KIF20B: variants seen among roughly 807,000 people sequenced by gnomAD.
The protein encoded by KIF20B is kinesin-like protein KIF20B.
A neutral mutation model predicts 232.5 loss-of-function variants in KIF20B; 188 were observed. The observed-to-expected ratio is 0.81, with a 90% confidence interval of 0.72 to 0.91. The LOEUF is 0.91. KIF20B is among the 40% of genes least tolerant of loss of function. The probability of loss-of-function intolerance (pLI) is 0.00; values close to 1 mark genes in which losing one functional copy is unlikely to be tolerated. For missense variants in KIF20B, 2,154 were observed against 2,055.9 expected (o/e 1.05, Z -0.92); for synonymous variants, 712 against 683.0 (o/e 1.04, Z -0.66).
chr10:89,709,536 T>C (rs1842794975), intron 4 of KIF20B, 75 bp downstream of exon 4: 3 of 936,148 alleles, frequency 3.2e-6, no homozygotes, highest in East Asian at 4.8e-5. Context: ...TATATAATTG[T>C]ATATAATGAA....
intron 21 of KIF20B, among the ~76,000 whole-genome samples, chr10:89,743,161 A>G (rs1055031765): frequency 2.6e-5 from 4 of 152,336 alleles, no homozygotes; most frequent in Non-Finnish European, 5.9e-5. Context: ...AATCCTGGCA[A>G]GATGTACTGA....
intron 21 of KIF20B, among the ~76,000 whole-genome samples, chr10:89,739,917 TC>T (rs1470663297): frequency 1.3e-5 from 2 of 152,214 alleles, no homozygotes; most frequent in Non-Finnish European, 2.9e-5. Flanking sequence ...CATTTTCACC[TC>T]TGTATAGTAT....
chr10:89,760,493 A>G, intron 27 of KIF20B, 33 bp from the exon 28 acceptor site: 1 of 1,273,258 alleles, frequency 7.9e-7, no homozygotes. Flanking sequence ...TCAGGTTACA[A>G]TGCCCTGTTG....
intron 9 of KIF20B, 116 bp from the exon 10 acceptor site, chr10:89,717,308 A>C (rs1842954276): frequency 3.2e-6 from 2 of 627,624 alleles, no homozygotes; most frequent in Non-Finnish European, 5.5e-6. Flanking sequence ...TGGAAAATGC[A>C]ATGGTGGACT....
In KIF20B at chr10:89,729,138, C is replaced by T. The variant is rs773312148; in HGVS notation, c.2282C>T (p.Thr761Ile). The change falls in exon 18 of 33, where the codon ACA becomes ATA. Residue 761 changes from threonine (T) to isoleucine (I), a missense_variant. By Grantham distance (89) the Thr-to-Ile change is moderately conservative. Coordinates refer to ENST00000371728, the MANE Select transcript of KIF20B (RefSeq NM_001284259.2). ...ELETSNKKII[T>I]QNQRIKELIN... Reference sequence around the variant, plus strand: ...TTCTTCTTTCCAAAGAAAATAATTACACAGAATCAAAGAATTAAAGAATTG... The same window carrying T: ...TTCTTCTTTCCAAAGAAAATAATTATACAGAATCAAAGAATTAAAGAATTG... 15 of 1,412,362 alleles carry T rather than the reference C, an allele frequency of 1.1e-5. No individual in the cohort carries two copies. The Middle Eastern group carries it at 5.6e-4, about 53-fold the overall frequency. The allele number at this position is 1,412,362 out of a possible 1,614,324, so 87.5% of individuals were successfully genotyped here. A position where few individuals can be genotyped will look rare whatever the true frequency, so the allele number is the denominator to read the frequency against.
At chr10:89,726,770 CAA>C (rs2133110053) in intron 16 of KIF20B, among the ~76,000 whole-genome samples, 1 of 152,152 alleles carries the variant, frequency 6.6e-6, no homozygotes, top group East Asian at 1.9e-4. Flanking sequence ...AAAGTCAAAA[CAA>C]GTGTTAACTT....
At chr10:89,738,732 G>A in intron 20 of KIF20B, 115 bp downstream of exon 20, 1 of 1,311,330 alleles carries the variant, frequency 7.6e-7, no homozygotes, top group East Asian at 2.5e-5. Context: ...CATGTATGAT[G>A]AGTGAAGAAC....
intron 16 of KIF20B, among the ~76,000 whole-genome samples, chr10:89,727,417 G>T (rs748342226): frequency 2.0e-4 from 30 of 152,070 alleles, no homozygotes; most frequent in Non-Finnish European, 3.8e-4. Flanking sequence ...ACCATGCTGA[G>T]GGCATTTTAT....
intron 27 of KIF20B, among the ~76,000 whole-genome samples, chr10:89,759,817 C>T (rs1842201060): frequency 6.6e-6 from 1 of 152,050 alleles, no homozygotes; most frequent in Admixed American, 6.6e-5. Flanking sequence ...TCAGTAGAGT[C>T]TTTCTTATTT....
At position 89,765,210 on chromosome 10, in the gene KIF20B, C is replaced by T. The variant is rs903498807; in HGVS notation, c.4989+2375C>T. Among the ~76,000 whole-genome samples, 31 of 152,082 alleles carry T rather than the reference C, an allele frequency of 2.0e-4. 1 individual carries two copies. The highest frequency in any genetic ancestry group is 6.5e-4 in the African/African-American group (27 of 41,500). The stretch of plus-strand genomic sequence containing the variant: ...CAAAGATCAGATAGTTGTAGATATG[C>T]GGCGTTATTTCACAAGCATTCTTAT... On this transcript the variant is annotated intron_variant, in intron 29 of 32. Coordinates refer to ENST00000371728, the MANE Select transcript of KIF20B (RefSeq NM_001284259.2).
chr10:89,711,407 T>C (rs1842835169), intron 6 of KIF20B, among the ~76,000 whole-genome samples: 1 of 152,214 alleles, frequency 6.6e-6, no homozygotes, highest in Non-Finnish European at 1.5e-5. Context: ...TTGTGCTTTT[T>C]ATGTAATGAT....
chr10:89,755,564 A>ATCCCCT (rs1290539040), intron 26 of KIF20B, among the ~76,000 whole-genome samples: 1 of 142,174 alleles, frequency 7.0e-6, no homozygotes, highest in African/African-American at 2.6e-5. Context: ...CCCCGTGCCC[A>ATCCCCT]TCCCCTTCCC....
chr10:89,765,585 C>G (rs1256822961), intron 29 of KIF20B, among the ~76,000 whole-genome samples: 2 of 152,082 alleles, frequency 1.3e-5, no homozygotes, highest in Admixed American at 6.6e-5. Context: ...CAAGTCAATC[C>G]TAAGCCAAAA....
At chr10:89,731,079 C>T (rs550821528) in intron 18 of KIF20B, among the ~76,000 whole-genome samples, 12 of 152,184 alleles carry the variant, frequency 7.9e-5, no homozygotes, top group African/African-American at 1.9e-4. Flanking sequence ...TCCTGGCTCT[C>T]GAAACTTTTA....
In KIF20B at chr10:89,758,837, T is replaced by G. The variant is rs1232743418; in HGVS notation, c.4635T>G (p.Asn1545Lys). The G allele has an allele frequency of 2.5e-6, 4 of 1,597,924 alleles. No homozygotes were observed. The highest frequency in any genetic ancestry group is 3.4e-6 in the Non-Finnish European group (4 of 1,172,712). ...ALISSNVQKDNEIEQLKRIIS... is the reference protein window; with the variant it reads ...ALISSNVQKDKEIEQLKRIIS... ...TATCCAGTAATGTACAGAAAGATAA[T>G]GAAATTGAACAACTAAAAAGGATCA... The change falls in exon 27 of 33, where the codon AAT (asparagine) becomes AAG (lysine). Residue 1545 changes from asparagine (N) to lysine (K), a missense_variant. By Grantham distance (94) the Asn-to-Lys change is moderately conservative. Coordinates refer to ENST00000371728, the MANE Select transcript of KIF20B (RefSeq NM_001284259.2).
At chr10:89,749,383 T>A (rs1218622970) in intron 23 of KIF20B, among the ~76,000 whole-genome samples, 1 of 152,190 alleles carries the variant, frequency 6.6e-6, no homozygotes. Flanking sequence ...AGATCTAATA[T>A]ATGTAACATA....
At chr10:89,707,096 A>G (rs916766248) in intron 2 of KIF20B, among the ~76,000 whole-genome samples, 3 of 152,190 alleles carry the variant, frequency 2.0e-5, no homozygotes, top group Non-Finnish European at 4.4e-5. Flanking sequence ...TTGTCAATGT[A>G]GAGGCCTTTC....
chr10:89,768,715 A>G lies in KIF20B; in HGVS notation c.5092-23A>G, dbSNP rs138499046. 1.2e-4 allele frequency: 189 copies of G among 1,563,994 alleles called. No individual in the cohort carries two copies. In the African/African-American group the frequency reaches 2.3e-3, roughly 19 times the overall value. ...CTTCTAACACTTCTCATCAACAATA[A>G]CAAAAAATGTTTTGTTTATTAGGTT... On this transcript the variant is annotated intron_variant, in intron 30 of 32. Transcript: ENST00000371728.
chr10:89,732,846 T>C (rs1196459592), intron 18 of KIF20B, 57 bp from the exon 19 acceptor site: 17 of 1,382,106 alleles, frequency 1.2e-5, no homozygotes, highest in Non-Finnish European at 1.5e-5. Flanking sequence ...TTTATGTGAT[T>C]TGTACATTTT....
Sources: gnomAD v4.1 joint callset for allele counts (sites outside exome capture counted in the v4.1 genomes callset) on GRCh38, gnomAD v4.1.1 for gene constraint, MANE v1.5 for transcripts, NCBI Gene and HGNC (gene_info 2026-07-23, HGNC 2026-07-21) for gene names.